The following NOVA2 variants were observed in gnomAD, a reference collection of about 807,000 sequenced individuals.
NOVA2 encodes the protein RNA-binding protein Nova-2.
In NOVA2, 9 loss-of-function variants were observed where a neutral mutation model predicts 22.5. That is an observed-to-expected ratio of 0.40 (90% CI 0.24 to 0.70). The LOEUF (loss-of-function observed/expected upper bound fraction) is 0.70. Ranked by LOEUF, NOVA2 falls within the 30% of genes least tolerant of loss-of-function variation. NOVA2 has a pLI of 0.38. For missense variants in NOVA2, 383 were observed against 682.8 expected (o/e 0.56, Z 4.89); for synonymous variants, 318 against 335.2 (o/e 0.95, Z 0.56).
At chr19:45,960,064 G>A (rs1321666700) in intron 2 of NOVA2, among the ~76,000 whole-genome samples, 1 of 151,632 alleles carries the variant, frequency 6.6e-6, no homozygotes, top group African/African-American at 2.4e-5. Flanking sequence ...TAGAGAGAGT[G>A]GAGGGGCCTT....
chr19:45,940,784 G>T lies in NOVA2; in HGVS notation c.558C>A (p.Pro186=). The T allele has an allele frequency of 6.2e-7, 1 of 1,607,682 alleles. No individual in the cohort carries two copies. Residue 186 remains proline (P), a synonymous_variant, in exon 4 of 4, where the codon CCC becomes CCA. Transcript: ENST00000263257. ...CGCTCACGGCCTTGTGCACCTGCTC[G>T]GGCTCGCCGCTGACCGTCACCACGC... ...QERVVTVSGE[P]EQVHKAVSAI... is the part of the protein sequence containing the mutation.
chr19:45,971,070 C>T (rs1211943960), intron 1 of NOVA2, among the ~76,000 whole-genome samples: 1 of 152,080 alleles, frequency 6.6e-6, no homozygotes, highest in African/African-American at 2.4e-5. Context: ...AACCGTGTGA[C>T]CTTGGGCAAG....
At chr19:45,958,026 C>T (rs1428783016) in intron 2 of NOVA2, among the ~76,000 whole-genome samples, 4 of 150,220 alleles carry the variant, frequency 2.7e-5, no homozygotes, top group Admixed American at 1.3e-4. Context: ...GCAGGGGACT[C>T]GCTTGGACCC....
intron 3 of NOVA2, among the ~76,000 whole-genome samples, chr19:45,950,766 C>G (rs1967912895): frequency 2.6e-5 from 4 of 152,194 alleles, no homozygotes; most frequent in Non-Finnish European, 5.9e-5. Flanking sequence ...GCAAATACTA[C>G]TACTACCACC....
intron 1 of NOVA2, among the ~76,000 whole-genome samples, chr19:45,964,478 A>C (rs1968142949): frequency 6.6e-6 from 1 of 151,176 alleles, no homozygotes; most frequent in Non-Finnish European, 1.5e-5. Flanking sequence ...CACAGAGCCC[A>C]GCCAGGAAGC....
In NOVA2 at chr19:45,939,706, T is replaced by C; in HGVS notation, c.*157A>G. On this transcript the variant is annotated 3_prime_UTR_variant, in exon 4 of 4. Transcript: ENST00000263257. ...CCCAACCGTCACTCAATCCTGCCTA[T>C]GACTACCAGAAGGGGAGGGTGCAGT... The C allele has an allele frequency of 2.2e-6, 2 of 906,532 alleles. No individual in the cohort carries two copies. The highest frequency in any genetic ancestry group is 2.7e-5 in the East Asian group (1 of 37,076). The allele number at this position is 906,532 out of a possible 1,614,324, so 56.2% of individuals were successfully genotyped here.
chr19:45,963,793 G>C (rs1193029196), intron 1 of NOVA2, among the ~76,000 whole-genome samples: 2 of 152,100 alleles, frequency 1.3e-5, no homozygotes, highest in African/African-American at 4.8e-5. Flanking sequence ...GCCTCCCAAA[G>C]TGCTGGGATT....
Position 45,964,199 on chromosome 19 carries a change from G to C in NOVA2, c.86-3046C>G, listed in dbSNP as rs1197504825. Among the ~76,000 whole-genome samples the C allele has an allele frequency of 5.1e-4, 26 of 51,094 alleles. No homozygotes were observed. The East Asian group carries it at 7.4e-3, about 15-fold the overall frequency. 33.5% of individuals were successfully genotyped at this position (51,094 alleles called of 152,430 possible). A position where few individuals can be genotyped will look rare whatever the true frequency, so the allele number is the denominator to read the frequency against. On this transcript the variant is annotated intron_variant, in intron 1 of 3. Transcript: ENST00000263257. ...TTTTTCTTTTTTTTTTTTTTTTTTT[G>C]AGACAATCTCGCTCTTGTCACCCAG...
In NOVA2 at chr19:45,960,518, A is replaced by T. The variant is rs1968078726; in HGVS notation, c.229+492T>A. On this transcript the variant is annotated intron_variant, in intron 2 of 3. Transcript: ENST00000263257. The stretch of plus-strand genomic sequence containing the variant: ...CAAGAGACAGAGGGAGGCAGAGGGG[A>T]GCAAGAGACGAGAAGTCAGAAACAG... Among the ~76,000 whole-genome samples the T allele has an allele frequency of 1.3e-5, 2 of 151,666 alleles. 1 individual carries two copies. The highest frequency in any genetic ancestry group is 4.2e-4 in the South Asian group (2 of 4,788).
intron 2 of NOVA2, among the ~76,000 whole-genome samples, chr19:45,959,926 A>G (rs1968070787): frequency 6.6e-6 from 1 of 151,980 alleles, no homozygotes; most frequent in Admixed American, 6.6e-5. Context: ...GGGATTAAGG[A>G]TGAACTAGAA....
At chr19:45,958,494 TGTGA>T (rs143723548) in intron 2 of NOVA2, among the ~76,000 whole-genome samples, 2,997 of 147,852 alleles carry the variant, frequency 0.02, 150 homozygotes, top group East Asian at 0.17. Context: ...TGTGAATGAG[TGTGA>T]GTGTGTGTAA....
intron 1 of NOVA2, among the ~76,000 whole-genome samples, chr19:45,972,662 G>A (rs1011665835): frequency 6.6e-6 from 1 of 151,746 alleles, no homozygotes; most frequent in South Asian, 2.1e-4. Flanking sequence ...GGCTGTAGAG[G>A]GCACACATAC....
chr19:45,965,084 A>G (rs972170498), intron 1 of NOVA2, among the ~76,000 whole-genome samples: 2 of 152,088 alleles, frequency 1.3e-5, no homozygotes, highest in African/African-American at 2.4e-5. Flanking sequence ...CCTGACCCCT[A>G]CTGAATTCAT....
chr19:45,942,143 C>T lies in NOVA2; in HGVS notation c.397-1198G>A, dbSNP rs1046948361. 4.6e-5 allele frequency among the ~76,000 whole-genome samples: 7 copies of T among 152,222 alleles called. No individual in the cohort carries two copies. In the East Asian group the frequency reaches 1.3e-3, roughly 29 times the overall value. On this transcript the variant is annotated intron_variant, in intron 3 of 3. Transcript: ENST00000263257. ...CCCTAGACATGGTCTTCTCGTTGAA[C>T]TCTCTGTTGTTATGGGCTGACACTG...
At chr19:45,945,890 A>G (rs1967830453) in intron 3 of NOVA2, among the ~76,000 whole-genome samples, 1 of 148,238 alleles carries the variant, frequency 6.7e-6, no homozygotes, top group African/African-American at 2.5e-5. Flanking sequence ...GCTATGGTGC[A>G]GTGGCATCAT....
At chr19:45,954,854 T>TGGTG (rs1967980008) in intron 2 of NOVA2, among the ~76,000 whole-genome samples, 1 of 116,014 alleles carries the variant, frequency 8.6e-6, no homozygotes, top group Non-Finnish European at 1.8e-5. Context: ...GGCTGGTGAG[T>TGGTG]GGTGTGTGTG....
At chr19:45,968,452 T>G (rs982948464) in intron 1 of NOVA2, among the ~76,000 whole-genome samples, 2 of 152,038 alleles carry the variant, frequency 1.3e-5, no homozygotes, top group East Asian at 3.9e-4. Flanking sequence ...AGGGATGAGA[T>G]GCTGAAAGGT....
intron 1 of NOVA2, among the ~76,000 whole-genome samples, chr19:45,963,336 G>A (rs1006411753): frequency 1.3e-5 from 2 of 150,914 alleles, no homozygotes. Flanking sequence ...CCGAGATCGC[G>A]CCACTGCACT....
chr19:45,941,428 A>G (rs1450299658), intron 3 of NOVA2, among the ~76,000 whole-genome samples: 2 of 151,766 alleles, frequency 1.3e-5, no homozygotes, highest in East Asian at 1.9e-4. Flanking sequence ...TTAGCCTCCT[A>G]AAGTGTTGGA....
Sources: gnomAD v4.1 joint callset for allele counts (sites outside exome capture counted in the v4.1 genomes callset) on GRCh38, gnomAD v4.1.1 for gene constraint, MANE v1.5 for transcripts, NCBI Gene and HGNC (gene_info 2026-07-23, HGNC 2026-07-21) for gene names.